The following RARB variants were observed in gnomAD, a reference collection of about 807,000 sequenced individuals.
RARB encodes the protein retinoic acid receptor beta, also known as HBV-activated protein.
In RARB, 17 loss-of-function variants were observed where a neutral mutation model predicts 51.9. That is an observed-to-expected ratio of 0.33 (90% CI 0.22 to 0.49). The LOEUF (loss-of-function observed/expected upper bound fraction) is 0.49, where lower values mean the gene tolerates loss of function less well. Ranked by LOEUF, RARB falls within the 20% of genes least tolerant of loss-of-function variation. RARB has a pLI of 0.99. For synonymous variants in RARB, 215 were observed against 195.4 expected (o/e 1.10, Z -0.84); for missense variants, 369 against 550.8 (o/e 0.67, Z 3.30).
At chr3:25,003,453 A>C (rs1171595786) in intron 2 of RARB, among the ~76,000 whole-genome samples, 2 of 152,148 alleles carry the variant, frequency 1.3e-5, no homozygotes, top group Admixed American at 6.6e-5. Flanking sequence ...TCTTGTTTCT[A>C]CTTTTGTCAG....
intron 3 of RARB, among the ~76,000 whole-genome samples, chr3:25,067,185 A>G (rs1419193080): frequency 6.6e-6 from 1 of 152,180 alleles, no homozygotes; most frequent in Non-Finnish European, 1.5e-5. Flanking sequence ...AGGTGATTTG[A>G]GCGTCCTTGT....
At chr3:25,217,584 C>T (rs1041941288) in intron 5 of RARB, among the ~76,000 whole-genome samples, 13 of 152,096 alleles carry the variant, frequency 8.5e-5, no homozygotes, top group Non-Finnish European at 1.8e-4. Context: ...GAGTCACTGC[C>T]AGGAGACCTG....
chr3:25,470,004 G>A (rs991565935), intron 2 of RARB, among the ~76,000 whole-genome samples: 5 of 152,166 alleles, frequency 3.3e-5, no homozygotes, highest in African/African-American at 9.7e-5. Context: ...CAAGGTCTGC[G>A]TGTTCAGTTC....
chr3:24,863,139 C>G (rs910074654), intron 2 of RARB, among the ~76,000 whole-genome samples: 2 of 152,204 alleles, frequency 1.3e-5, no homozygotes, highest in African/African-American at 4.8e-5. Context: ...CATACCCTGT[C>G]CAAATCAGGA....
chr3:24,996,286 A>G (rs1006700193), intron 2 of RARB, among the ~76,000 whole-genome samples: 3 of 151,874 alleles, frequency 2.0e-5, no homozygotes, highest in African/African-American at 4.8e-5. Flanking sequence ...TTGTATTTCT[A>G]TGGTATTCAC....
intron 2 of RARB, among the ~76,000 whole-genome samples, chr3:24,909,782 C>T (rs1217065617): frequency 6.6e-6 from 1 of 152,014 alleles, no homozygotes; most frequent in Non-Finnish European, 1.5e-5. Context: ...TCTACCCTGA[C>T]CTATTTTTGT....
chr3:24,969,012 C>T (rs562193102), intron 2 of RARB, among the ~76,000 whole-genome samples: 1 of 151,508 alleles, frequency 6.6e-6, no homozygotes, highest in South Asian at 2.1e-4. Context: ...GTAAGACTTT[C>T]TACAATCAAG....
At chr3:25,210,597 G>T (rs1575223044) in intron 5 of RARB, among the ~76,000 whole-genome samples, 1 of 131,928 alleles carries the variant, frequency 7.6e-6, no homozygotes, top group South Asian at 2.5e-4. Context: ...GTGCAGAGGT[G>T]TAATCTCGGC....
At chr3:25,128,798 T>A (rs1055466932) in intron 3 of RARB, among the ~76,000 whole-genome samples, 2 of 151,758 alleles carry the variant, frequency 1.3e-5, no homozygotes, top group Non-Finnish European at 2.9e-5. Context: ...AAAAGAATGA[T>A]GAACTCGAGG....
intron 5 of RARB, chr3:25,324,647 G>A: frequency 5.8e-6 from 1 of 173,234 alleles, no homozygotes. Flanking sequence ...TCTCCCTGGA[G>A]GGAAACCCTT....
At chr3:25,331,763 C>G (rs1704904149) in intron 5 of RARB, among the ~76,000 whole-genome samples, 1 of 151,926 alleles carries the variant, frequency 6.6e-6, no homozygotes, top group Non-Finnish European at 1.5e-5. Flanking sequence ...ATCAACAAAA[C>G]TGATAGACCA....
chr3:25,375,965 T>C (rs888635131), intron 5 of RARB, among the ~76,000 whole-genome samples: 5 of 152,084 alleles, frequency 3.3e-5, no homozygotes, highest in Non-Finnish European at 1.5e-5. Context: ...ATCTAAGAAA[T>C]GGGGATAATG....
chr3:24,862,587 C>T (rs1160251140), intron 2 of RARB, among the ~76,000 whole-genome samples: 2 of 152,266 alleles, frequency 1.3e-5, no homozygotes, highest in East Asian at 1.9e-4. Flanking sequence ...CTCTGTCTAG[C>T]GTATCCATGC....
intron 2 of RARB, among the ~76,000 whole-genome samples, chr3:24,921,340 C>T (rs1360837793): frequency 6.6e-6 from 1 of 152,178 alleles, no homozygotes; most frequent in Non-Finnish European, 1.5e-5. Flanking sequence ...TATCACTCCG[C>T]TCCTTAAAGC....
intron 5 of RARB, among the ~76,000 whole-genome samples, chr3:25,374,741 G>T (rs967600576): frequency 2.6e-5 from 4 of 152,108 alleles, no homozygotes; most frequent in Non-Finnish European, 5.9e-5. Flanking sequence ...TCCTCCATTG[G>T]CTCCCTCTGA....
intron 5 of RARB, among the ~76,000 whole-genome samples, chr3:25,584,052 A>C (rs912226358): frequency 4.6e-5 from 7 of 152,006 alleles, no homozygotes; most frequent in African/African-American, 1.7e-4. Context: ...TCTGCACGTA[A>C]TTAGGATCAA....
intron 3 of RARB, among the ~76,000 whole-genome samples, chr3:25,081,623 T>TATATATATATATA (rs1559459573): frequency 4.3e-5 from 1 of 23,450 alleles, no homozygotes; most frequent in Non-Finnish European, 9.4e-5. Context: ...ATATATATAT[T>TATATATATATATA]TTTTTTTTTT....
At chr3:25,345,932 C>G in intron 5 of RARB, 1 of 868,204 alleles carries the variant, frequency 1.2e-6, no homozygotes, top group Non-Finnish European at 1.4e-6. Flanking sequence ...AATGTTTAAA[C>G]CACCATTTAG....
At chr3:25,080,599 T>C (rs1698974262) in intron 3 of RARB, among the ~76,000 whole-genome samples, 1 of 152,214 alleles carries the variant, frequency 6.6e-6, no homozygotes, top group African/African-American at 2.4e-5. Flanking sequence ...GTTTTGAATT[T>C]AGCCATCCTA....
Sources: allele counts gnomAD v4.1 joint callset (sites outside exome capture counted in the v4.1 genomes callset), GRCh38; gene constraint gnomAD v4.1.1; transcripts MANE v1.5; gene names NCBI Gene and HGNC (gene_info 2026-07-23, HGNC 2026-07-21).